Variants in AGBL4 observed in about 807,000 individuals in gnomAD.
AGBL4 encodes the protein AGBL carboxypeptidase 4.
Under a neutral mutation model 66.4 loss-of-function variants are expected in AGBL4, and 58 were observed. The observed-to-expected ratio is 0.87, with a 90% CI of 0.71 to 1.09. The LOEUF is 1.09. Ranked by LOEUF, AGBL4 falls within the 50% of genes least tolerant of loss-of-function variation. The pLI, the probability that AGBL4 is intolerant of heterozygous loss-of-function variation, is 0.00. For synonymous variants in AGBL4, 234 were observed against 222.9 expected, an observed-to-expected ratio of 1.05 and a Z score of -0.44; for missense variants, 579 against 631.0, an observed-to-expected ratio of 0.92 and a Z score of 0.88.
chr1:48,738,688 T>C (rs1226062908), intron 6 of AGBL4, among the ~76,000 whole-genome samples: 1 of 152,226 alleles, frequency 6.6e-6, no homozygotes. Flanking sequence ...CAAAAATCTC[T>C]GCTTTTTTCC....
At chr1:49,303,460 T>TTTATTTATTTATTTATTTATTTAC (rs1644792790) in intron 3 of AGBL4, among the ~76,000 whole-genome samples, 1 of 151,324 alleles carries the variant, frequency 6.6e-6, no homozygotes, top group African/African-American at 2.4e-5. Flanking sequence ...CTTTTATTTA[T>TTTATTTATTTATTTATTTATTTAC]TTATTTATTT....
In AGBL4 at chr1:48,999,313, A is replaced by G. The variant is rs185855518; in HGVS notation, c.594+46271T>C. On this transcript the variant is annotated intron_variant, in intron 5 of 13. Coordinates refer to ENST00000371839, the MANE Select transcript of AGBL4 (RefSeq NM_032785.4). ...GTGCTTGGATTTCAATTGCCATAAT[A>G]ATCATCATCATCACAGAAGTTCTAC... is the stretch of plus-strand genomic sequence containing the variant. Among the ~76,000 whole-genome samples the G allele has an allele frequency of 5.7e-4, 87 of 152,296 alleles. 1 individual carries two copies. The highest frequency in any genetic ancestry group is 8.8e-5 in the Non-Finnish European group (6 of 68,018).
chr1:49,279,015 C>T (rs1286306760), intron 3 of AGBL4, among the ~76,000 whole-genome samples: 1 of 151,918 alleles, frequency 6.6e-6, no homozygotes, highest in Non-Finnish European at 1.5e-5. Context: ...CAGCAGTTTT[C>T]CAAAGCTGAG....
intron 3 of AGBL4, among the ~76,000 whole-genome samples, chr1:49,417,190 GA>G (rs760045856): frequency 4.6e-5 from 7 of 152,006 alleles, no homozygotes; most frequent in Middle Eastern, 3.2e-3. Flanking sequence ...TGTCCTGAAA[GA>G]AAAATGACCT....
In AGBL4 at chr1:49,530,259, T is replaced by TAAAAAAAAAAAAA. The variant is rs543885264; in HGVS notation, c.282+167041_282+167053dup. Reference sequence around the variant, plus strand: ...CAGCTATGTTTTCAAGTAGAATTTGTAAAAAAAAAAAAACAAAAAAAAACT... The same window carrying TAAAAAAAAAAAAA: ...CAGCTATGTTTTCAAGTAGAATTTGTAAAAAAAAAAAAAAAAAAAAAAAAAACAAAAAAAAACT... On this transcript the variant is annotated intron_variant, in intron 3 of 13. Transcript: ENST00000371839. Among the ~76,000 whole-genome samples the TAAAAAAAAAAAAA allele has an allele frequency of 1.3e-3, 96 of 75,944 alleles. 7 individuals are homozygous for TAAAAAAAAAAAAA. The highest frequency in any genetic ancestry group is 1.9e-3 in the Admixed American group (12 of 6,280). 49.8% of individuals were successfully genotyped at this position (75,944 alleles called of 152,430 possible). A position where few individuals can be genotyped will look rare whatever the true frequency, so the allele number is the denominator to read the frequency against.
intron 6 of AGBL4, among the ~76,000 whole-genome samples, chr1:48,787,215 C>T (rs756298400): frequency 8.5e-5 from 13 of 152,222 alleles, no homozygotes; most frequent in South Asian, 4.2e-4. Flanking sequence ...TCTCTAGCCT[C>T]ATTGACAGGA....
intron 6 of AGBL4, chr1:48,728,020 G>A (rs868628793): frequency 6.2e-7 from 1 of 1,610,658 alleles, no homozygotes; most frequent in Non-Finnish European, 8.5e-7. Context: ...ACAGTTTCTT[G>A]TGCTATTCTG....
chr1:49,232,311 T>A (rs371585378), intron 4 of AGBL4, among the ~76,000 whole-genome samples: 5 of 152,086 alleles, frequency 3.3e-5, no homozygotes, highest in Non-Finnish European at 1.5e-5. Flanking sequence ...TATGGAGAGA[T>A]TGCAAGATTA....
chr1:48,945,544 A>C (rs1469071543), intron 5 of AGBL4, among the ~76,000 whole-genome samples: 2 of 152,224 alleles, frequency 1.3e-5, no homozygotes, highest in African/African-American at 4.8e-5. Flanking sequence ...AAAAATGAGA[A>C]TATTACTTAT....
chr1:48,952,051 T>C (rs1657034863), intron 5 of AGBL4, among the ~76,000 whole-genome samples: 1 of 152,244 alleles, frequency 6.6e-6, no homozygotes, highest in South Asian at 2.1e-4. Flanking sequence ...CAGTTCTTTT[T>C]GTTTTGTAGC....
At chr1:49,966,863 T>A in intron 1 of AGBL4, among the ~76,000 whole-genome samples, 1 of 152,166 alleles carries the variant, frequency 6.6e-6, no homozygotes, top group East Asian at 1.9e-4. Context: ...AACTTTACGA[T>A]TCTTGATAGA....
At chr1:49,749,937 T>C (rs759280842) in intron 2 of AGBL4, among the ~76,000 whole-genome samples, 1 of 152,138 alleles carries the variant, frequency 6.6e-6, no homozygotes, top group African/African-American at 2.4e-5. Flanking sequence ...TCAAGACAGT[T>C]TGGTATTTCA....
chr1:49,424,564 G>T (rs1332803172), intron 3 of AGBL4, among the ~76,000 whole-genome samples: 2 of 152,124 alleles, frequency 1.3e-5, no homozygotes, highest in Non-Finnish European at 2.9e-5. Flanking sequence ...TATTTTAATT[G>T]AACATCTCAA....
intron 5 of AGBL4, among the ~76,000 whole-genome samples, chr1:48,916,815 T>C (rs897538473): frequency 2.0e-5 from 3 of 152,162 alleles, no homozygotes; most frequent in African/African-American, 7.2e-5. Context: ...TAATAAATTA[T>C]TGTCAATGCC....
chr1:49,442,348 A>C (rs1477092325), intron 3 of AGBL4, among the ~76,000 whole-genome samples: 1 of 152,242 alleles, frequency 6.6e-6, no homozygotes, highest in Non-Finnish European at 1.5e-5. Flanking sequence ...TATTCCAAGC[A>C]GAGGGAATGC....
chr1:49,022,647 C>G (rs1385648749), intron 5 of AGBL4, among the ~76,000 whole-genome samples: 1 of 152,088 alleles, frequency 6.6e-6, no homozygotes, highest in Non-Finnish European at 1.5e-5. Flanking sequence ...CCTCTCTCAG[C>G]CCCTGTAACC....
At chr1:49,723,217 T>C (rs1304399101) in intron 2 of AGBL4, among the ~76,000 whole-genome samples, 1 of 152,144 alleles carries the variant, frequency 6.6e-6, no homozygotes, top group Non-Finnish European at 1.5e-5. Flanking sequence ...CACTCAACAG[T>C]GTTAGCCAGG....
intron 5 of AGBL4, among the ~76,000 whole-genome samples, chr1:48,914,703 T>C (rs1054560131): frequency 2.0e-5 from 3 of 152,142 alleles, no homozygotes; most frequent in Non-Finnish European, 4.4e-5. Context: ...AGTTTTTTAG[T>C]TGATGTTGTT....
At position 49,765,805 on chromosome 1, in the gene AGBL4, C is replaced by T. The variant is rs374828217; in HGVS notation, c.158-68368G>A. 1.2e-3 allele frequency among the ~76,000 whole-genome samples: 175 copies of T among 151,686 alleles called. 5 individuals are homozygous for T. In the South Asian group the frequency reaches 0.035, roughly 30 times the overall value. On this transcript the variant is annotated intron_variant, in intron 2 of 13. Transcript: ENST00000371839. ...AAGAATTTCAAAATACAATTGAAAG[C>T]TTTATCAATAGATGAGATCAAGCAG...
Sources: allele counts gnomAD v4.1 joint callset (sites outside exome capture counted in the v4.1 genomes callset), GRCh38; gene constraint gnomAD v4.1.1; transcripts MANE v1.5; gene names NCBI Gene and HGNC (gene_info 2026-07-23, HGNC 2026-07-21).